Variants in SMIM29 observed in about 807,000 individuals in gnomAD.
SMIM29 encodes the protein small integral membrane protein 29, also known as uncharacterized protein C6orf1.
Under a neutral mutation model 12.9 loss-of-function variants are expected in SMIM29, and 4 were observed. That is an observed-to-expected ratio of 0.31 (90% CI 0.15 to 0.71). SMIM29 has a LOEUF of 0.71. Ranked by LOEUF, SMIM29 falls within the 30% of genes least tolerant of loss-of-function variation. The pLI, the probability that SMIM29 is intolerant of heterozygous loss-of-function variation, is 0.70. For missense variants in SMIM29, 122 were observed against 138.1 expected (o/e 0.88, Z 0.58); for synonymous variants, 50 against 52.0 (o/e 0.96, Z 0.17).
chr6:34,246,719 CCAGGTGACAG>C lies in SMIM29; in HGVS notation c.*74_*83del. On this transcript the variant is annotated 3_prime_UTR_variant, in exon 5 of 5. Coordinates refer to ENST00000476320, the MANE Select transcript of SMIM29 (RefSeq NM_001008703.4). Reference sequence around the variant, plus strand: ...GAGACCCAGCACCCAGCAGGGGGAGCCAGGTGACAGCAGGGGAAGCAGATGGCAGGGCCCC... The same window carrying C: ...GAGACCCAGCACCCAGCAGGGGGAGCCAGGGGAAGCAGATGGCAGGGCCCC... 6.2e-7 allele frequency: 1 copy of C among 1,613,662 alleles called. No individual in the cohort carries two copies. The highest frequency in any genetic ancestry group is 8.5e-7 in the Non-Finnish European group (1 of 1,179,844).
chr6:34,248,634 C>A, intron 1 of SMIM29: 1 of 985,588 alleles, frequency 1.0e-6, no homozygotes, highest in Middle Eastern at 5.2e-4. Context: ...CCAAGGTCCG[C>A]GACCCAGGTT....
intron 1 of SMIM29, 33 bp from the exon 2 acceptor site, chr6:34,247,897 C>T (rs376182975): frequency 1.6e-6 from 2 of 1,249,816 alleles, no homozygotes; most frequent in Non-Finnish European, 1.0e-6. Flanking sequence ...ATCAGTTGCA[C>T]CCAGGTGACA....
chr6:34,247,024 C>G lies in SMIM29; in HGVS notation c.243+20G>C. ...GACTCCCACCTTGCCTCATTCTCCCCCTGGCCCCCAAGTGCTCACCTTGGG... is the reference window on the plus strand; with the variant it reads ...GACTCCCACCTTGCCTCATTCTCCCGCTGGCCCCCAAGTGCTCACCTTGGG... On this transcript the variant is annotated intron_variant, in intron 4 of 4. Transcript: ENST00000476320. 3.7e-6 allele frequency: 6 copies of G among 1,614,014 alleles called. No homozygotes were observed. The highest frequency in any genetic ancestry group is 5.1e-6 in the Non-Finnish European group (6 of 1,180,010).
intron 3 of SMIM29, 47 bp downstream of exon 3, chr6:34,247,420 T>C (rs1420364954): frequency 8.1e-7 from 1 of 1,228,566 alleles, no homozygotes; most frequent in Non-Finnish European, 1.1e-6. Flanking sequence ...AGCAGGAATT[T>C]CAGAACGGGT....
At position 34,248,439 on chromosome 6, in the gene SMIM29, G is replaced by A. The variant is rs1366996902; in HGVS notation, c.-74+540C>T. The A allele has an allele frequency of 5.1e-6, 5 of 981,698 alleles. No individual in the cohort carries two copies. The African/African-American group carries it at 7.0e-5, about 14-fold the overall frequency. The allele number at this position is 981,698 out of a possible 1,614,324, so 60.8% of individuals were successfully genotyped here. A position where few individuals can be genotyped will look rare whatever the true frequency, so the allele number is the denominator to read the frequency against. On this transcript the variant is annotated intron_variant, in intron 1 of 4. Transcript: ENST00000476320. ...CTCCCCCATCTGTCTCGTGTGCCAGGGTGGACACGAGTGGGTAAAGCTGGA... is the reference window on the plus strand; with the variant it reads ...CTCCCCCATCTGTCTCGTGTGCCAGAGTGGACACGAGTGGGTAAAGCTGGA...
rs997181955 is a variant in SMIM29 at position 34,247,595 on chromosome 6, G to A, written c.111+86C>T. 4.7e-6 allele frequency: 7 copies of A among 1,492,910 alleles called. No individual in the cohort carries two copies. In the African/African-American group the frequency reaches 8.4e-5, roughly 18 times the overall value. The allele number at this position is 1,492,910 out of a possible 1,614,324, so 92.5% of individuals were successfully genotyped here. ...CCTTCACTCCCTTAACAGGACAGTG[G>A]GGACTCTGTGCAGACTGGACCAGGC... is the stretch of plus-strand genomic sequence containing the variant. On this transcript the variant is annotated intron_variant, in intron 2 of 4. Coordinates refer to ENST00000476320, the MANE Select transcript of SMIM29 (RefSeq NM_001008703.4).
In SMIM29 at chr6:34,247,390, C is replaced by T. The variant is rs138631327; in HGVS notation, c.137+77G>A. On this transcript the variant is annotated intron_variant, in intron 3 of 4. Coordinates refer to ENST00000476320, the MANE Select transcript of SMIM29 (RefSeq NM_001008703.4). ...ATCAGGATGGCTGAGGGACATCTTA[C>T]AGAAAAGTCAGAGCCTATGAGCAGG... The T allele has an allele frequency of 1.8e-5, 27 of 1,482,190 alleles. No individual in the cohort carries two copies. The African/African-American group carries it at 3.5e-4, about 19-fold the overall frequency. 91.8% of individuals were successfully genotyped at this position (1,482,190 alleles called of 1,614,324 possible).
At position 34,246,772 on chromosome 6, in the gene SMIM29, A is replaced by G; in HGVS notation, c.*31T>C. On this transcript the variant is annotated 3_prime_UTR_variant, in exon 5 of 5. Coordinates refer to ENST00000476320, the MANE Select transcript of SMIM29 (RefSeq NM_001008703.4). ...AGGGCCCCAGGCAGTCCAGGACCCC[A>G]GGCTCTGAAGGGTGGGGCAAGGGGG... The G allele has an allele frequency of 6.2e-7, 1 of 1,613,442 alleles. No homozygotes were observed. The highest frequency in any genetic ancestry group is 8.5e-7 in the Non-Finnish European group (1 of 1,180,008).
Position 34,246,655 on chromosome 6 carries a change from G to C in SMIM29, c.*148C>G. 1 of 1,613,978 alleles carries C rather than the reference G, an allele frequency of 6.2e-7. No homozygotes were observed. On this transcript the variant is annotated 3_prime_UTR_variant, in exon 5 of 5. Transcript: ENST00000476320. ...GCAGTGAGGTGATGGTGAGGGCATGGGAAGCAGATGCTGCTGAGGGTGGGT... is the reference window on the plus strand; with the variant it reads ...GCAGTGAGGTGATGGTGAGGGCATGCGAAGCAGATGCTGCTGAGGGTGGGT...
rs1305958992 is a variant in SMIM29 at position 34,247,780 on chromosome 6, G to C, written c.12C>G (p.Thr4=). Residue 4 remains threonine, a synonymous_variant, in exon 2 of 5, where the codon ACC becomes ACG. Coordinates refer to ENST00000476320, the MANE Select transcript of SMIM29 (RefSeq NM_001008703.4). MSN[T]TVPNAPQANS... ...TGGCCTGGGGGGCATTGGGCACAGT[G>C]GTGTTACTCATGACATCAGCAGCCG... is the stretch of plus-strand genomic sequence containing the variant. 1 of 1,320,442 alleles carries C rather than the reference G, an allele frequency of 7.6e-7. No individual in the cohort carries two copies. Among genetic ancestry groups the C allele is most frequent in the African/African-American group, 1.5e-5 (1 of 66,186 alleles). 81.8% of individuals were successfully genotyped at this position (1,320,442 alleles called of 1,614,324 possible).
At position 34,247,729 on chromosome 6, in the gene SMIM29, C is replaced by T. The variant is rs1238170382; in HGVS notation, c.63G>A (p.Val21=). The change falls in exon 2 of 5, where the codon GTG becomes GTA. Residue 21 remains valine, a synonymous_variant. Transcript: ENST00000476320. ...QANSDSMVGY[V]LGPFFLITLV... ...GGGTGATGAGGAAGAAGGGCCCCAA[C>T]ACATAGCCCACCATGGAGTCGCTGT... 2.2e-6 allele frequency: 3 copies of T among 1,381,726 alleles called. No homozygotes were observed. In the African/African-American group the frequency reaches 4.4e-5, roughly 20 times the overall value. The allele number at this position is 1,381,726 out of a possible 1,614,324, so 85.6% of individuals were successfully genotyped here.
intron 1 of SMIM29, chr6:34,248,096 C>A (rs923952472): frequency 1.6e-4 from 153 of 985,348 alleles, no homozygotes; most frequent in Non-Finnish European, 1.8e-4. Context: ...CAACTCCTAT[C>A]CCTAAATCAG....
intron 3 of SMIM29, 40 bp downstream of exon 3, chr6:34,247,422 AGAACG>A: frequency 7.1e-7 from 1 of 1,405,146 alleles, no homozygotes; most frequent in Non-Finnish European, 9.7e-7. Context: ...CAGGAATTTC[AGAACG>A]GGTGTGGGGT....
At position 34,247,658 on chromosome 6, in the gene SMIM29, G is replaced by A. The variant is rs961118583; in HGVS notation, c.111+23C>T. On this transcript the variant is annotated intron_variant, in intron 2 of 4. Transcript: ENST00000476320. Reference sequence around the variant, plus strand: ...TGCCTTAGCAAAGCTGTGGGTGTCTGTGTGTATATGAGGGCTCCTTACCAC... The same window carrying A: ...TGCCTTAGCAAAGCTGTGGGTGTCTATGTGTATATGAGGGCTCCTTACCAC... 2.8e-6 allele frequency: 4 copies of A among 1,432,764 alleles called. No homozygotes were observed. The African/African-American group carries it at 4.3e-5, about 15-fold the overall frequency. 88.8% of individuals were successfully genotyped at this position (1,432,764 alleles called of 1,614,324 possible). A position where few individuals can be genotyped will look rare whatever the true frequency, so the allele number is the denominator to read the frequency against.
chr6:34,246,667 TG>T lies in SMIM29; in HGVS notation c.*135del, dbSNP rs1357798713. On this transcript the variant is annotated 3_prime_UTR_variant, in exon 5 of 5. Transcript: ENST00000476320. ...TGGTGAGGGCATGGGAAGCAGATGC[TG>T]CTGAGGGTGGGTGGAGGGAGAAATG... 1 of 1,613,886 alleles carries T rather than the reference TG, an allele frequency of 6.2e-7. No homozygotes were observed. Among genetic ancestry groups the T allele is most frequent in the Non-Finnish European group, 8.5e-7 (1 of 1,179,938 alleles).
chr6:34,246,570 C>A lies in SMIM29; in HGVS notation c.*233G>T. ...CCCATCCCAGAAGGAAAGCCTCTTC[C>A]CATGAGTGCCTGTGGGTGGGCGGTG... On this transcript the variant is annotated 3_prime_UTR_variant, in exon 5 of 5. Transcript: ENST00000476320. 5 of 1,601,162 alleles carry A rather than the reference C, an allele frequency of 3.1e-6. No individual in the cohort carries two copies. Among genetic ancestry groups the A allele is most frequent in the Non-Finnish European group, 4.3e-6 (5 of 1,171,606 alleles).
At chr6:34,247,913 A>C (rs1403725987) in intron 1 of SMIM29, 49 bp from the exon 2 acceptor site, 25 of 1,239,912 alleles carry the variant, frequency 2.0e-5, no homozygotes, top group Non-Finnish European at 2.4e-5. Context: ...TGACATCCAG[A>C]CTCTGGATCC....
chr6:34,247,310 C>T (rs1424719971), intron 3 of SMIM29, 157 bp downstream of exon 3: 43 of 1,541,274 alleles, frequency 2.8e-5, no homozygotes, highest in Non-Finnish European at 3.5e-5. Context: ...TACAAAGGGG[C>T]TTTCCCCAGT....
intron 2 of SMIM29, 52 bp downstream of exon 2, chr6:34,247,629 C>G: frequency 1.4e-6 from 2 of 1,441,856 alleles, no homozygotes; most frequent in South Asian, 3.0e-5. Flanking sequence ...GCCCACCCAG[C>G]CCCTGCCTTA....
Sources: gnomAD v4.1 joint callset for allele counts on GRCh38, gnomAD v4.1.1 for gene constraint, MANE v1.5 for transcripts, NCBI Gene and HGNC (gene_info 2026-07-23, HGNC 2026-07-21) for gene names.